Variants in ITCH observed in about 807,000 individuals in gnomAD.
ITCH encodes the protein itchy E3 ubiquitin protein ligase.
In ITCH, 28 loss-of-function variants were observed where a neutral mutation model predicts 126.8. The observed-to-expected ratio is 0.22, with a 90% CI of 0.16 to 0.30. The LOEUF (loss-of-function observed/expected upper bound fraction) is 0.30, where lower values mean the gene tolerates loss of function less well. Among genes scored for constraint, ITCH ranks in the 10% least tolerant of loss-of-function variants. The probability of loss-of-function intolerance (pLI) is 1.00; values close to 1 mark genes in which losing one functional copy is unlikely to be tolerated. For missense variants in ITCH, 631 were observed against 1,032.4 expected (o/e 0.61, Z 5.33); for synonymous variants, 342 against 340.0 (o/e 1.01, Z -0.06).
At chr20:34,391,675 G>C (rs2038494938) in intron 2 of ITCH, among the ~76,000 whole-genome samples, 1 of 152,048 alleles carries the variant, frequency 6.6e-6, no homozygotes, top group South Asian at 2.1e-4. Context: ...TGTAAAACTA[G>C]TATGTATATG....
intron 2 of ITCH, among the ~76,000 whole-genome samples, chr20:34,375,269 G>A (rs1270775866): frequency 6.6e-6 from 1 of 151,384 alleles, no homozygotes; most frequent in Non-Finnish European, 1.5e-5. Flanking sequence ...TGGAACTTCC[G>A]ACCTCAGGTG....
intron 3 of ITCH, among the ~76,000 whole-genome samples, chr20:34,400,665 T>TTTTTTA (rs1306903844): frequency 2.7e-5 from 4 of 150,208 alleles, no homozygotes; most frequent in African/African-American, 9.8e-5. Flanking sequence ...TTTTTTTTTT[T>TTTTTTA]GAGACAGTTT....
chr20:34,452,153 T>C (rs945658773), intron 12 of ITCH, among the ~76,000 whole-genome samples: 2 of 151,942 alleles, frequency 1.3e-5, no homozygotes, highest in African/African-American at 4.8e-5. Flanking sequence ...GTTTTACTCC[T>C]TCTCTAGGGC....
chr20:34,416,811 T>G (rs190336437), intron 6 of ITCH, among the ~76,000 whole-genome samples: 1 of 152,242 alleles, frequency 6.6e-6, no homozygotes, highest in Non-Finnish European at 1.5e-5. Context: ...TTATAATGTT[T>G]TCTTTACATA....
intron 4 of ITCH, among the ~76,000 whole-genome samples, chr20:34,409,141 C>T (rs75177687): frequency 3.3e-5 from 1 of 30,316 alleles, no homozygotes. Context: ...ATGAGTACTC[C>T]CCCCCCCCCC....
rs1308395402 is a variant in ITCH at position 34,468,747 on chromosome 20, C to T, written c.1425-1301C>T. 1.9e-4 allele frequency among the ~76,000 whole-genome samples: 28 copies of T among 150,686 alleles called. 1 individual carries two copies. The highest frequency in any genetic ancestry group is 3.0e-5 in the Non-Finnish European group (2 of 67,770). ...CAGAGGTTACAGTGAGCAGAGATTG[C>T]GCCACTGCACTCCAGCCTGGGAGAC... On this transcript the variant is annotated intron_variant, in intron 14 of 24. Coordinates refer to ENST00000374864, the MANE Select transcript of ITCH (RefSeq NM_031483.7).
At chr20:34,410,292 T>G (rs1009735939) in intron 4 of ITCH, among the ~76,000 whole-genome samples, 1 of 151,458 alleles carries the variant, frequency 6.6e-6, no homozygotes, top group South Asian at 2.1e-4. Context: ...TGGTTGAACC[T>G]GGTAGGCGGA....
At chr20:34,417,951 T>C (rs1980172707) in intron 6 of ITCH, among the ~76,000 whole-genome samples, 1 of 151,114 alleles carries the variant, frequency 6.6e-6, no homozygotes, top group South Asian at 2.1e-4. Context: ...GAAAGAAAAA[T>C]GCATTTTACT....
intron 2 of ITCH, among the ~76,000 whole-genome samples, chr20:34,391,863 TAG>T (rs1181862402): frequency 6.6e-6 from 1 of 152,160 alleles, no homozygotes; most frequent in African/African-American, 2.4e-5. Flanking sequence ...TTAATTTTTG[TAG>T]AGATTTAAAA....
intron 16 of ITCH, among the ~76,000 whole-genome samples, chr20:34,474,792 G>A (rs968258758): frequency 6.6e-6 from 1 of 151,518 alleles, no homozygotes; most frequent in African/African-American, 2.4e-5. Flanking sequence ...CGGGCGGGGG[G>A]GCTGACCCCC....
chr20:34,472,613 G>T (rs1416645602), intron 16 of ITCH, among the ~76,000 whole-genome samples: 1 of 152,208 alleles, frequency 6.6e-6, no homozygotes, highest in African/African-American at 2.4e-5. Context: ...GCTTCAAGAA[G>T]TACGGAATTG....
intron 14 of ITCH, among the ~76,000 whole-genome samples, chr20:34,465,830 T>C (rs368143659): frequency 2.6e-5 from 4 of 152,298 alleles, no homozygotes; most frequent in African/African-American, 9.6e-5. Flanking sequence ...GTTTTCTTCG[T>C]AAAAGATCTT....
At chr20:34,410,881 C>T (rs759987062) in intron 4 of ITCH, among the ~76,000 whole-genome samples, 29 of 152,164 alleles carry the variant, frequency 1.9e-4, no homozygotes, top group Non-Finnish European at 3.5e-4. Context: ...AAAAAACTCT[C>T]TTTGTAGTTC....
intron 7 of ITCH, among the ~76,000 whole-genome samples, chr20:34,435,449 G>A (rs760954078): frequency 6.6e-5 from 10 of 152,096 alleles, no homozygotes; most frequent in Non-Finnish European, 1.3e-4. Flanking sequence ...GATTACAGGC[G>A]TGAGCCACTG....
At chr20:34,458,173 C>G (rs1986195991) in intron 13 of ITCH, among the ~76,000 whole-genome samples, 1 of 152,040 alleles carries the variant, frequency 6.6e-6, no homozygotes, top group Non-Finnish European at 1.5e-5. Flanking sequence ...TATCTTCTTC[C>G]ATTATGAATG....
intron 11 of ITCH, among the ~76,000 whole-genome samples, chr20:34,447,012 C>T (rs1250045736): frequency 2.0e-5 from 3 of 151,930 alleles, no homozygotes; most frequent in African/African-American, 4.8e-5. Context: ...TCTCTTCTCT[C>T]CTTCATATTC....
chr20:34,416,014 C>T (rs1016794766), intron 6 of ITCH, among the ~76,000 whole-genome samples: 12 of 151,784 alleles, frequency 7.9e-5, no homozygotes, highest in African/African-American at 2.9e-4. Flanking sequence ...CCCAGCTGCT[C>T]GAGAGGCTGA....
chr20:34,490,687 T>C (rs746738081), intron 22 of ITCH, among the ~76,000 whole-genome samples: 3 of 152,326 alleles, frequency 2.0e-5, no homozygotes, highest in Non-Finnish European at 2.9e-5. Flanking sequence ...CACTTAGTAT[T>C]ATTTTTGAAG....
At chr20:34,483,887 G>T (rs1393932917) in intron 20 of ITCH, among the ~76,000 whole-genome samples, 1 of 152,176 alleles carries the variant, frequency 6.6e-6, no homozygotes, top group Non-Finnish European at 1.5e-5. Context: ...CCACATGGCT[G>T]GGGAGGCCTC....
Sources: allele counts gnomAD v4.1 joint callset (sites outside exome capture counted in the v4.1 genomes callset), GRCh38; gene constraint gnomAD v4.1.1; transcripts MANE v1.5; gene names NCBI Gene and HGNC (gene_info 2026-07-23, HGNC 2026-07-21).